The following GABRA2 variants were observed in gnomAD, a reference collection of about 807,000 sequenced individuals.
The protein encoded by GABRA2 is gamma-aminobutyric acid type A receptor subunit alpha2.
Under a neutral mutation model 48.7 loss-of-function variants are expected in GABRA2, and 16 were observed. The observed-to-expected ratio is 0.33, with a 90% confidence interval of 0.22 to 0.50. GABRA2 has a LOEUF of 0.50. GABRA2 is among the 20% of genes least tolerant of loss of function. The pLI is 0.98. For synonymous variants in GABRA2, 185 were observed against 184.5 expected (o/e 1.00, Z -0.02); for missense variants, 275 against 535.6 (o/e 0.51, Z 4.80).
At chr4:46,297,238 T>C (rs1724893189) in intron 8 of GABRA2, among the ~76,000 whole-genome samples, 1 of 151,850 alleles carries the variant, frequency 6.6e-6, no homozygotes, top group African/African-American at 2.4e-5. Context: ...GAAGAAACCA[T>C]CTAATCAGCT....
rs149239882 is a variant in GABRA2, at chr4:46,338,646, C to A, written c.188-5964G>T. Among the ~76,000 whole-genome samples, 958 of 151,862 alleles carry A rather than the reference C, an allele frequency of 6.3e-3. 12 individuals are homozygous for A. The highest frequency in any genetic ancestry group is 0.021 in the African/African-American group (886 of 41,502). On this transcript the variant is annotated intron_variant, in intron 3 of 9. Transcript: ENST00000381620. ...TGATTTTCTGTCGTCCATATGTGTG[C>A]CAATTACTTGACTTTTGTAGGCATT... is the stretch of plus-strand genomic sequence containing the variant.
intron 3 of GABRA2, among the ~76,000 whole-genome samples, chr4:46,344,310 C>A (rs1251361638): frequency 6.6e-6 from 1 of 151,848 alleles, no homozygotes; most frequent in African/African-American, 2.4e-5. Flanking sequence ...ACAGTTGATG[C>A]TGCTGAGAGA....
chr4:46,359,778 A>G (rs184955337), intron 3 of GABRA2, among the ~76,000 whole-genome samples: 3,721 of 152,192 alleles, frequency 0.024, 117 homozygotes, highest in Non-Finnish European at 0.036. Context: ...TTAGCCGGGC[A>G]TGGAGGTGGG....
At chr4:46,388,918 G>GTTTC (rs941353845) in intron 1 of GABRA2, 5 of 1,275,752 alleles carry the variant, frequency 3.9e-6, no homozygotes, top group Non-Finnish European at 4.0e-6. Context: ...TTTCCTTTCT[G>GTTTC]TTTCTTTCTT....
chr4:46,348,886 T>C (rs1734641304), intron 3 of GABRA2, among the ~76,000 whole-genome samples: 1 of 151,754 alleles, frequency 6.6e-6, no homozygotes, highest in African/African-American at 2.4e-5. Flanking sequence ...GTAACAAACC[T>C]GCACATTGTG....
chr4:46,313,652 T>A (rs1233957125), intron 4 of GABRA2, among the ~76,000 whole-genome samples: 5 of 152,038 alleles, frequency 3.3e-5, no homozygotes, highest in African/African-American at 1.2e-4. Context: ...TTAAATGAGA[T>A]ATACAATGCA....
chr4:46,363,327 C>T (rs75598196), intron 3 of GABRA2, among the ~76,000 whole-genome samples: 5,885 of 151,966 alleles, frequency 0.039, 161 homozygotes, highest in Middle Eastern at 0.061. Flanking sequence ...TTAACACCTG[C>T]GAAGGTAGTC....
intron 5 of GABRA2, among the ~76,000 whole-genome samples, chr4:46,310,864 A>G (rs60519618): frequency 6.6e-6 from 1 of 152,298 alleles, no homozygotes; most frequent in African/African-American, 2.4e-5. Flanking sequence ...ATTTTTCTGT[A>G]TCTACATGAT....
Position 46,388,720 on chromosome 4 carries a change from T to C in GABRA2, c.-10-4A>G, listed in dbSNP as rs1010000442. ...TTTTGTCTTCATCACCGCCGCTCTT[T>C]ACAAAGCCATGGAATGAAAAACAAA... is the stretch of plus-strand genomic sequence containing the variant. On this transcript the variant is annotated splice_region_variant and splice_polypyrimidine_tract_variant and intron_variant, in intron 1 of 9. Coordinates refer to ENST00000381620, the MANE Select transcript of GABRA2 (RefSeq NM_000807.4). The C allele has an allele frequency of 1.2e-6, 2 of 1,613,900 alleles. No individual in the cohort carries two copies. The highest frequency in any genetic ancestry group is 1.7e-6 in the Non-Finnish European group (2 of 1,179,968).
chr4:46,284,841 T>A (rs1222823086), intron 8 of GABRA2, among the ~76,000 whole-genome samples: 2 of 151,956 alleles, frequency 1.3e-5, no homozygotes, highest in Non-Finnish European at 2.9e-5. Context: ...GTATTTTTTT[T>A]ATTAAAACTT....
At position 46,346,212 on chromosome 4, in the gene GABRA2, A is replaced by G. The variant is rs146630149; in HGVS notation, c.188-13530T>C. ...TATATGGTACTTAGTGTTCTCTAGT[A>G]AAAGTTAAAAACATTAAATTAGATA... On this transcript the variant is annotated intron_variant, in intron 3 of 9. Transcript: ENST00000381620. Among the ~76,000 whole-genome samples, 3 of 152,086 alleles carry G rather than the reference A, an allele frequency of 2.0e-5. No homozygotes were observed. In the East Asian group the frequency reaches 5.8e-4, roughly 30 times the overall value.
At chr4:46,322,584 AT>A (rs1178462966) in intron 4 of GABRA2, among the ~76,000 whole-genome samples, 1 of 152,006 alleles carries the variant, frequency 6.6e-6, no homozygotes, top group African/African-American at 2.4e-5. Flanking sequence ...AGTCTTCTCT[AT>A]CCCCTCCCTA....
rs768187687 is a variant in GABRA2 at position 46,244,800 on chromosome 4, G to A, written c.*5508C>T. On this transcript the variant is annotated 3_prime_UTR_variant, in exon 10 of 10. Coordinates refer to ENST00000381620, the MANE Select transcript of GABRA2 (RefSeq NM_000807.4). ...AAAAGAAAACTGCAATATATTCCCA[G>A]AAACTAAATTGTACCAAAGAAGTTA... Among the ~76,000 whole-genome samples, 5 of 151,390 alleles carry A rather than the reference G, an allele frequency of 3.3e-5. No individual in the cohort carries two copies. The highest frequency in any genetic ancestry group is 6.6e-5 in the Admixed American group (1 of 15,138).
chr4:46,347,037 C>T (rs1297075439), intron 3 of GABRA2, among the ~76,000 whole-genome samples: 1 of 151,574 alleles, frequency 6.6e-6, no homozygotes, highest in South Asian at 2.1e-4. Flanking sequence ...GTAAATTTAA[C>T]CAAGGAGCTA....
chr4:46,285,887 TCCTGGGATGC>T (rs1442677682), intron 8 of GABRA2, among the ~76,000 whole-genome samples: 5 of 152,108 alleles, frequency 3.3e-5, no homozygotes, highest in African/African-American at 9.6e-5. Flanking sequence ...TTCTTCTTAC[TCCTGGGATGC>T]CCTTGGAATA....
chr4:46,322,792 A>G (rs1490082096), intron 4 of GABRA2, among the ~76,000 whole-genome samples: 3 of 152,024 alleles, frequency 2.0e-5, no homozygotes, highest in Admixed American at 6.6e-5. Context: ...CTGATGAGAC[A>G]TAAGAAGAAA....
chr4:46,351,703 G>A (rs1735152097), intron 3 of GABRA2, among the ~76,000 whole-genome samples: 1 of 151,898 alleles, frequency 6.6e-6, no homozygotes, highest in African/African-American at 2.4e-5. Flanking sequence ...ATGAAAAGCT[G>A]TATTTACTAT....
chr4:46,261,618 T>C lies in GABRA2; in HGVS notation c.1059+308A>G, dbSNP rs1716998693. The C allele has an allele frequency of 6.5e-6, 3 of 460,272 alleles. No individual in the cohort carries two copies. The South Asian group carries it at 1.2e-4, about 18-fold the overall frequency. The allele number at this position is 460,272 out of a possible 1,614,324, so 28.5% of individuals were successfully genotyped here. ...GCTTCAGATTCTTCATGAGTAAAAA[T>C]AAGAATAAGAAGGCAGTCTAGTCAT... On this transcript the variant is annotated intron_variant, in intron 9 of 9. Coordinates refer to ENST00000381620, the MANE Select transcript of GABRA2 (RefSeq NM_000807.4).
At chr4:46,265,210 A>G (rs1297469115) in intron 8 of GABRA2, among the ~76,000 whole-genome samples, 1 of 149,012 alleles carries the variant, frequency 6.7e-6, no homozygotes, top group Non-Finnish European at 1.5e-5. Context: ...TAGTTTTCGT[A>G]TTTTTAGTAG....
Sources: gnomAD v4.1 joint callset for allele counts (sites outside exome capture counted in the v4.1 genomes callset) on GRCh38, gnomAD v4.1.1 for gene constraint, MANE v1.5 for transcripts, NCBI Gene and HGNC (gene_info 2026-07-23, HGNC 2026-07-21) for gene names.